FGF14: variants seen among roughly 807,000 people sequenced by gnomAD.
FGF14 encodes the protein fibroblast growth factor homologous factor 4.
FGF14 carries 5 observed loss-of-function variants against 25.5 expected under a neutral mutation model. That is an observed-to-expected ratio of 0.20 (90% confidence interval 0.10 to 0.41). FGF14 has a LOEUF of 0.41. Ranked by LOEUF, FGF14 falls within the 10% of genes least tolerant of loss-of-function variation. The pLI is 1.00. For synonymous variants in FGF14, 138 were observed against 118.3 expected (o/e 1.17, Z -1.08); for missense variants, 222 against 320.1 (o/e 0.69, Z 2.34).
intron 1 of FGF14, among the ~76,000 whole-genome samples, chr13:102,378,800 T>TA (rs1024945348): frequency 2.6e-5 from 4 of 151,566 alleles, no homozygotes; most frequent in South Asian, 2.1e-4. Flanking sequence ...TCTTTATCAA[T>TA]AAAAAAAAGC....
intron 1 of FGF14, among the ~76,000 whole-genome samples, chr13:102,374,796 C>G (rs2057998654): frequency 6.7e-6 from 1 of 149,408 alleles, no homozygotes; most frequent in South Asian, 2.1e-4. Context: ...GGTGGTTTTT[C>G]AATTAAGGGC....
intron 1 of FGF14, among the ~76,000 whole-genome samples, chr13:102,244,099 A>G (rs1436636508): frequency 2.6e-5 from 4 of 152,044 alleles, no homozygotes; most frequent in African/African-American, 9.7e-5. Flanking sequence ...CCTAAATTCT[A>G]AGTTTTAAAT....
At chr13:101,796,556 G>A (rs1345580407) in intron 3 of FGF14, among the ~76,000 whole-genome samples, 1 of 151,950 alleles carries the variant, frequency 6.6e-6, no homozygotes, top group Non-Finnish European at 1.5e-5. Context: ...TGAAGACAGG[G>A]TCTTAAAGGG....
chr13:101,743,618 G>T (rs1461886117), intron 3 of FGF14, among the ~76,000 whole-genome samples: 1 of 152,064 alleles, frequency 6.6e-6, no homozygotes, highest in Non-Finnish European at 1.5e-5. Context: ...TTTTTCTCTT[G>T]CCTTCACACT....
chr13:101,936,439 A>G (rs2035110379), intron 1 of FGF14, among the ~76,000 whole-genome samples: 2 of 152,192 alleles, frequency 1.3e-5, no homozygotes, highest in African/African-American at 4.8e-5. Flanking sequence ...GGATTTCAGA[A>G]CTCAAGTCAG....
chr13:101,845,601 T>C (rs2043413805), intron 3 of FGF14, among the ~76,000 whole-genome samples: 1 of 151,662 alleles, frequency 6.6e-6, no homozygotes, highest in Non-Finnish European at 1.5e-5. Flanking sequence ...TAAAATGAAG[T>C]ATGAGACAGA....
At chr13:102,327,897 AAAAAAT>A (rs2056509701) in intron 1 of FGF14, among the ~76,000 whole-genome samples, 1 of 151,696 alleles carries the variant, frequency 6.6e-6, no homozygotes. Flanking sequence ...CATTTCCAAA[AAAAAAT>A]AAAAATAAAA....
chr13:102,058,261 T>C (rs1357579547), intron 1 of FGF14, among the ~76,000 whole-genome samples: 2 of 152,220 alleles, frequency 1.3e-5, no homozygotes, highest in African/African-American at 4.8e-5. Flanking sequence ...ACAATCTCTT[T>C]GTTTTCTAAG....
At chr13:102,388,098 CT>C (rs1260312920) in intron 1 of FGF14, among the ~76,000 whole-genome samples, 16 of 152,120 alleles carry the variant, frequency 1.1e-4, no homozygotes. Context: ...TCCCTGGGGT[CT>C]GTTGTTCCCT....
intron 1 of FGF14, among the ~76,000 whole-genome samples, chr13:102,099,605 T>C (rs2044565853): frequency 6.6e-6 from 1 of 152,012 alleles, no homozygotes; most frequent in South Asian, 2.1e-4. Flanking sequence ...AGTCATATAA[T>C]AAGCAACTAG....
intron 1 of FGF14, among the ~76,000 whole-genome samples, chr13:102,276,894 A>G (rs2053578250): frequency 6.6e-6 from 1 of 152,218 alleles, no homozygotes; most frequent in South Asian, 2.1e-4. Context: ...ACTTGGTAGT[A>G]TGTTCACAGG....
At chr13:102,164,497 A>G (rs2772370) in intron 1 of FGF14, among the ~76,000 whole-genome samples, 31,061 of 152,066 alleles carry the variant, frequency 0.2, 5,677 homozygotes, top group East Asian at 0.7. Context: ...AATGGGATGG[A>G]TCATGGATGG....
chr13:101,782,546 A>G (rs1337145357), intron 3 of FGF14, among the ~76,000 whole-genome samples: 2 of 151,730 alleles, frequency 1.3e-5, no homozygotes, highest in African/African-American at 2.4e-5. Context: ...CCTACCCTTC[A>G]CCCTCTGAAA....
chr13:101,855,151 T>C (rs2044058818), intron 3 of FGF14, among the ~76,000 whole-genome samples: 1 of 152,020 alleles, frequency 6.6e-6, no homozygotes, highest in Non-Finnish European at 1.5e-5. Flanking sequence ...TATAGACTTA[T>C]CCTTAACAAA....
intron 1 of FGF14, among the ~76,000 whole-genome samples, chr13:101,977,307 G>T (rs545160155): frequency 3.0e-4 from 45 of 151,870 alleles, no homozygotes; most frequent in Non-Finnish European, 5.7e-4. Flanking sequence ...CATATTTTTT[G>T]AAACATAGCC....
intron 3 of FGF14, among the ~76,000 whole-genome samples, chr13:101,828,584 T>C (rs1004341500): frequency 1.3e-5 from 2 of 151,924 alleles, no homozygotes; most frequent in African/African-American, 4.8e-5. Context: ...AAAGGCATCC[T>C]GTATTCTTCG....
At chr13:101,982,514 A>T (rs972267135) in intron 1 of FGF14, among the ~76,000 whole-genome samples, 2 of 152,220 alleles carry the variant, frequency 1.3e-5, no homozygotes, top group Non-Finnish European at 2.9e-5. Flanking sequence ...ACAGTGATGA[A>T]TTAAAAGGCA....
At chr13:102,210,409 T>C (rs905861402) in intron 1 of FGF14, among the ~76,000 whole-genome samples, 2 of 152,300 alleles carry the variant, frequency 1.3e-5, no homozygotes, top group Non-Finnish European at 1.5e-5. Flanking sequence ...AAGAGAGATG[T>C]ACCATTTTTG....
chr13:101,893,510 T>TGGTG (rs2030107782), intron 1 of FGF14, among the ~76,000 whole-genome samples: 2 of 152,098 alleles, frequency 1.3e-5, no homozygotes, highest in East Asian at 3.9e-4. Context: ...AAGATTAAGT[T>TGGTG]AGGGACTGTG....
Sources: gnomAD v4.1 joint callset for allele counts (sites outside exome capture counted in the v4.1 genomes callset) on GRCh38, gnomAD v4.1.1 for gene constraint, MANE v1.5 for transcripts, NCBI Gene and HGNC (gene_info 2026-07-23, HGNC 2026-07-21) for gene names.